The following CDKAL1 variants were observed in gnomAD, a reference collection of about 807,000 sequenced individuals.
CDKAL1 encodes CDKAL1 threonylcarbamoyladenosine tRNA methylthiotransferase.
Under a neutral mutation model 68.2 loss-of-function variants are expected in CDKAL1, and 32 were observed. The observed-to-expected ratio is 0.47, with a 90% CI of 0.35 to 0.63. The LOEUF is 0.63. Among genes scored for constraint, CDKAL1 ranks in the 30% least tolerant of loss-of-function variants. CDKAL1 has a pLI of 0.00. For missense variants in CDKAL1, 606 were observed against 696.7 expected (o/e 0.87, Z 1.47); for synonymous variants, 234 against 244.3 (o/e 0.96, Z 0.39).
chr6:21,147,769 A>G (rs903386848), intron 13 of CDKAL1, among the ~76,000 whole-genome samples: 3 of 152,176 alleles, frequency 2.0e-5, no homozygotes, highest in Non-Finnish European at 4.4e-5. Flanking sequence ...GGAAAAAATC[A>G]TGTATAATCT....
intron 10 of CDKAL1, among the ~76,000 whole-genome samples, chr6:20,996,234 G>A (rs1183312058): frequency 6.6e-6 from 1 of 152,244 alleles, no homozygotes; most frequent in Non-Finnish European, 1.5e-5. Flanking sequence ...CAATAAGGCT[G>A]TTTGACTTTC....
At chr6:21,117,885 C>G (rs1280761336) in intron 13 of CDKAL1, among the ~76,000 whole-genome samples, 2 of 152,172 alleles carry the variant, frequency 1.3e-5, no homozygotes, top group Non-Finnish European at 2.9e-5. Flanking sequence ...TGCACCTGGT[C>G]TCCCCATCAA....
intron 4 of CDKAL1, among the ~76,000 whole-genome samples, chr6:20,597,083 A>G (rs1765861495): frequency 6.6e-6 from 1 of 152,094 alleles, no homozygotes; most frequent in South Asian, 2.1e-4. Context: ...AGCTGTTCCT[A>G]TTTGGCCATC....
At chr6:20,801,536 A>G (rs1561789683) in intron 8 of CDKAL1, among the ~76,000 whole-genome samples, 1 of 152,204 alleles carries the variant, frequency 6.6e-6, no homozygotes, top group Non-Finnish European at 1.5e-5. Context: ...TGCAGACATC[A>G]GAACACTTCC....
intron 12 of CDKAL1, among the ~76,000 whole-genome samples, chr6:21,099,373 A>G (rs1258739624): frequency 1.3e-5 from 2 of 152,228 alleles, no homozygotes; most frequent in African/African-American, 4.8e-5. Context: ...AACTTTATAT[A>G]TATAAATTTG....
rs1234504262 is a variant in CDKAL1 at position 20,807,226 on chromosome 6, A to ATT, written c.638+25974_638+25975dup. On this transcript the variant is annotated intron_variant, in intron 8 of 15. Coordinates refer to ENST00000274695, the MANE Select transcript of CDKAL1 (RefSeq NM_017774.3). ...ATTTTTGAGGTCAGGGCCAAAATTGATTTTTTTTTTTTTTGAGACGGAGTC... is the reference window on the plus strand; with the variant it reads ...ATTTTTGAGGTCAGGGCCAAAATTGATTTTTTTTTTTTTTTTGAGACGGAGTC... 5.8e-3 allele frequency among the ~76,000 whole-genome samples: 846 copies of ATT among 144,994 alleles called. 13 individuals carry two copies. The highest frequency in any genetic ancestry group is 0.019 in the African/African-American group (776 of 39,868).
At chr6:20,966,347 G>A (rs1489720419) in intron 10 of CDKAL1, among the ~76,000 whole-genome samples, 1 of 152,138 alleles carries the variant, frequency 6.6e-6, no homozygotes, top group Non-Finnish European at 1.5e-5. Flanking sequence ...AGTAAATAAT[G>A]ATTATGTCCT....
intron 11 of CDKAL1, among the ~76,000 whole-genome samples, chr6:21,044,664 T>G (rs9460589): frequency 0.31 from 46,382 of 151,898 alleles, 7,337 homozygotes; most frequent in African/African-American, 0.37. Flanking sequence ...TTCTAAATAT[T>G]CAGTTGAGCT....
At chr6:20,737,153 T>A (rs556924910) in intron 5 of CDKAL1, among the ~76,000 whole-genome samples, 5 of 152,316 alleles carry the variant, frequency 3.3e-5, no homozygotes, top group African/African-American at 1.2e-4. Flanking sequence ...TTTCTGTGCC[T>A]CCATCTCCAT....
Position 21,057,056 on chromosome 6 carries a change from T to A in CDKAL1, c.1056-7992T>A, listed in dbSNP as rs183784821. Among the ~76,000 whole-genome samples the A allele has an allele frequency of 2.9e-4, 44 of 152,168 alleles. No homozygotes were observed. The East Asian group carries it at 5.6e-3, about 19-fold the overall frequency. Reference sequence around the variant, plus strand: ...CCTCATAAAATGAGTTAGGGAGGAGTCCCTCCTTTCCAGTTGTTTGGAATA... The same window carrying A: ...CCTCATAAAATGAGTTAGGGAGGAGACCCTCCTTTCCAGTTGTTTGGAATA... On this transcript the variant is annotated intron_variant, in intron 11 of 15. Coordinates refer to ENST00000274695, the MANE Select transcript of CDKAL1 (RefSeq NM_017774.3).
intron 5 of CDKAL1, among the ~76,000 whole-genome samples, chr6:20,731,013 G>T (rs987954601): frequency 2.0e-5 from 3 of 152,136 alleles, no homozygotes; most frequent in Non-Finnish European, 4.4e-5. Flanking sequence ...TATCAGTGGA[G>T]AAACAGCAAG....
intron 8 of CDKAL1, among the ~76,000 whole-genome samples, chr6:20,842,465 A>G (rs1400890136): frequency 6.6e-6 from 1 of 152,240 alleles, no homozygotes; most frequent in East Asian, 1.9e-4. Flanking sequence ...TTCTTAAGAT[A>G]ATATACAGTA....
At chr6:21,067,455 A>G (rs1329092365) in intron 12 of CDKAL1, among the ~76,000 whole-genome samples, 2 of 151,994 alleles carry the variant, frequency 1.3e-5, no homozygotes, top group Admixed American at 1.3e-4. Flanking sequence ...TATTCATCCT[A>G]TTGATTATTA....
chr6:21,191,697 A>G (rs9465991), intron 13 of CDKAL1, among the ~76,000 whole-genome samples: 36,492 of 150,830 alleles, frequency 0.24, 5,054 homozygotes, highest in African/African-American at 0.37. Flanking sequence ...TCCCTCCAAC[A>G]TCTTACTTTC....
chr6:20,683,677 A>G (rs1344661374), intron 5 of CDKAL1, among the ~76,000 whole-genome samples: 2 of 152,302 alleles, frequency 1.3e-5, no homozygotes, highest in African/African-American at 2.4e-5. Flanking sequence ...CCCCATCAGA[A>G]TGGTACATTT....
At chr6:20,964,905 C>A (rs967423838) in intron 10 of CDKAL1, among the ~76,000 whole-genome samples, 1 of 152,124 alleles carries the variant, frequency 6.6e-6, no homozygotes, top group African/African-American at 2.4e-5. Context: ...CAGTGACACA[C>A]GGATATTTGT....
intron 9 of CDKAL1, among the ~76,000 whole-genome samples, chr6:20,877,241 G>T (rs778675249): frequency 6.6e-6 from 1 of 152,228 alleles, no homozygotes; most frequent in African/African-American, 2.4e-5. Flanking sequence ...ACGACTGAGG[G>T]ATATGAAAAC....
rs575401103 is a variant in CDKAL1, at chr6:20,654,866, A to G, written c.371+5489A>G. Among the ~76,000 whole-genome samples, 6 of 152,342 alleles carry G rather than the reference A, an allele frequency of 3.9e-5. No individual in the cohort carries two copies. In the South Asian group the frequency reaches 1.2e-3, roughly 32 times the overall value. ...ATAGTCATAAGTAGTACAGAGTTACATTAAGGCTACCTATTTGATAGTGCT... is the reference window on the plus strand; with the variant it reads ...ATAGTCATAAGTAGTACAGAGTTACGTTAAGGCTACCTATTTGATAGTGCT... On this transcript the variant is annotated intron_variant, in intron 5 of 15. Coordinates refer to ENST00000274695, the MANE Select transcript of CDKAL1 (RefSeq NM_017774.3).
At chr6:21,148,974 G>A (rs1776293121) in intron 13 of CDKAL1, among the ~76,000 whole-genome samples, 1 of 152,120 alleles carries the variant, frequency 6.6e-6, no homozygotes, top group Admixed American at 6.6e-5. Context: ...TAGCATAAGG[G>A]ACATTAGCTT....
Sources: gnomAD v4.1 joint callset for allele counts (sites outside exome capture counted in the v4.1 genomes callset) on GRCh38, gnomAD v4.1.1 for gene constraint, MANE v1.5 for transcripts, NCBI Gene and HGNC (gene_info 2026-07-23, HGNC 2026-07-21) for gene names.